The following APBB2 variants were observed in gnomAD, a reference collection of about 807,000 sequenced individuals.
The protein encoded by APBB2 is Fe65-like 1.
A neutral mutation model predicts 82.5 loss-of-function variants in APBB2; 38 were observed. The ratio of observed to expected loss-of-function variants is 0.46; its 90% CI spans 0.36 to 0.60. APBB2 has a LOEUF of 0.60. Among genes scored for constraint, APBB2 ranks in the 20% least tolerant of loss-of-function variants. The pLI, the probability that APBB2 is intolerant of heterozygous loss-of-function variation, is 0.00. For synonymous variants in APBB2, 341 were observed against 368.2 expected (o/e 0.93, Z 0.85); for missense variants, 772 against 972.3 (o/e 0.79, Z 2.74).
intron 6 of APBB2, among the ~76,000 whole-genome samples, chr4:41,007,904 T>G (rs1319875068): frequency 2.0e-5 from 3 of 152,172 alleles, no homozygotes; most frequent in African/African-American, 7.2e-5. Context: ...CGAAAGCCAC[T>G]AAGATAAACA....
chr4:41,095,378 C>T (rs1743149912), intron 3 of APBB2, among the ~76,000 whole-genome samples: 1 of 152,198 alleles, frequency 6.6e-6, no homozygotes, highest in Non-Finnish European at 1.5e-5. Context: ...ATATTTCACC[C>T]CTTCTCTTAA....
At chr4:40,996,174 C>T (rs1473450448) in intron 6 of APBB2, among the ~76,000 whole-genome samples, 2 of 152,172 alleles carry the variant, frequency 1.3e-5, no homozygotes, top group East Asian at 3.8e-4. Context: ...TGGGATGTGT[C>T]ATCACTGTAT....
intron 10 of APBB2, among the ~76,000 whole-genome samples, chr4:40,896,618 G>A (rs968499984): frequency 3.9e-5 from 6 of 152,206 alleles, no homozygotes; most frequent in Non-Finnish European, 8.8e-5. Flanking sequence ...ACAGTGTCAT[G>A]TAACTCTTAA....
chr4:41,034,868 T>G (rs1333059627), intron 4 of APBB2, among the ~76,000 whole-genome samples: 2 of 152,242 alleles, frequency 1.3e-5, no homozygotes, highest in Non-Finnish European at 2.9e-5. Flanking sequence ...AAAATAGACC[T>G]TATTTTCAAT....
chr4:41,168,046 G>A (rs990671306), intron 1 of APBB2, among the ~76,000 whole-genome samples: 2 of 152,080 alleles, frequency 1.3e-5, no homozygotes, highest in South Asian at 2.1e-4. Flanking sequence ...CGAGGCGGGC[G>A]GATCACGAGG....
chr4:40,883,194 C>CTA (rs1769169785), intron 12 of APBB2, among the ~76,000 whole-genome samples: 1 of 151,590 alleles, frequency 6.6e-6, no homozygotes, highest in Admixed American at 6.6e-5. Flanking sequence ...GCAGCCTGCC[C>CTA]TATACCCTTT....
chr4:41,128,121 C>T (rs1200606622), intron 2 of APBB2, among the ~76,000 whole-genome samples: 12 of 152,132 alleles, frequency 7.9e-5, no homozygotes, highest in African/African-American at 2.9e-4. Flanking sequence ...TGAGGAGACA[C>T]TTCTCAAAAC....
intron 6 of APBB2, among the ~76,000 whole-genome samples, chr4:40,992,667 C>T (rs568339755): frequency 6.6e-6 from 1 of 152,214 alleles, no homozygotes; most frequent in African/African-American, 2.4e-5. Flanking sequence ...GCTGGTAACC[C>T]CTGGAAGTAA....
intron 5 of APBB2, among the ~76,000 whole-genome samples, chr4:41,017,224 C>T (rs1810240178): frequency 1.3e-5 from 2 of 152,086 alleles, no homozygotes; most frequent in African/African-American, 2.4e-5. Context: ...TATATCAAAG[C>T]CTGAACACAG....
intron 5 of APBB2, among the ~76,000 whole-genome samples, chr4:41,015,744 C>T (rs1217589766): frequency 6.6e-6 from 1 of 152,104 alleles, no homozygotes; most frequent in Non-Finnish European, 1.5e-5. Context: ...ATCTTGGGCC[C>T]CATTCTTTAA....
chr4:40,857,374 C>A (rs372070825), intron 12 of APBB2, among the ~76,000 whole-genome samples: 1 of 152,234 alleles, frequency 6.6e-6, no homozygotes, highest in East Asian at 1.9e-4. Flanking sequence ...CTGTAACGAA[C>A]GTTTCCTTTT....
chr4:40,901,579 G>A (rs1302072897), intron 10 of APBB2, among the ~76,000 whole-genome samples: 3 of 152,194 alleles, frequency 2.0e-5, no homozygotes, highest in Admixed American at 6.5e-5. Context: ...GCACGATCTC[G>A]GCTCACTGCA....
At chr4:40,838,414 C>T (rs1754740560) in intron 12 of APBB2, among the ~76,000 whole-genome samples, 1 of 146,610 alleles carries the variant, frequency 6.8e-6, no homozygotes, top group Non-Finnish European at 1.5e-5. Flanking sequence ...CGACTCACTG[C>T]AACCTCCGCC....
intron 6 of APBB2, among the ~76,000 whole-genome samples, chr4:40,998,954 C>A (rs1170015398): frequency 6.6e-6 from 1 of 152,078 alleles, no homozygotes; most frequent in Non-Finnish European, 1.5e-5. Flanking sequence ...ATTGCGCTAC[C>A]GAGAACGGTG....
chr4:41,036,381 T>C (rs1365021005), intron 4 of APBB2, among the ~76,000 whole-genome samples: 2 of 152,204 alleles, frequency 1.3e-5, no homozygotes, highest in African/African-American at 2.4e-5. Context: ...CTCCAACTTC[T>C]ATAAAGTTAA....
chr4:40,978,081 A>T (rs1339620653), intron 6 of APBB2, among the ~76,000 whole-genome samples: 1 of 152,226 alleles, frequency 6.6e-6, no homozygotes, highest in Non-Finnish European at 1.5e-5. Context: ...GGTGGCCAGA[A>T]ATAGCCTATG....
chr4:41,090,667 G>A (rs1419707637), intron 3 of APBB2, among the ~76,000 whole-genome samples: 2 of 152,052 alleles, frequency 1.3e-5, no homozygotes, highest in Non-Finnish European at 1.5e-5. Context: ...ATTTATGATC[G>A]AAACCAGGAC....
In APBB2 at chr4:41,107,423, C is replaced by T. The variant is rs151035444; in HGVS notation, c.-260-6673G>A. ...GGGAAACTCTTCTTTATAAAGGATG[C>T]CAGCTAATAAATATCAAAGGGAGAG... On this transcript the variant is annotated intron_variant, in intron 2 of 17. Coordinates refer to ENST00000508593, the MANE Select transcript of APBB2 (RefSeq NM_004307.2). Among the ~76,000 whole-genome samples the T allele has an allele frequency of 2.1e-4, 32 of 152,230 alleles. No individual in the cohort carries two copies. In the East Asian group the frequency reaches 6.2e-3, roughly 29 times the overall value.
chr4:41,164,801 A>G (rs1358369556), intron 1 of APBB2, among the ~76,000 whole-genome samples: 1 of 152,210 alleles, frequency 6.6e-6, no homozygotes, highest in Non-Finnish European at 1.5e-5. Context: ...GAAGGTTATG[A>G]CTTAAGAGGT....
Sources: allele counts gnomAD v4.1 joint callset (sites outside exome capture counted in the v4.1 genomes callset), GRCh38; gene constraint gnomAD v4.1.1; transcripts MANE v1.5; gene names NCBI Gene and HGNC (gene_info 2026-07-23, HGNC 2026-07-21).